The following CUX1 variants were observed in gnomAD, a reference collection of about 807,000 sequenced individuals.
CUX1 encodes the protein protein CASP.
Under a neutral mutation model 158.8 loss-of-function variants are expected in CUX1, and 31 were observed. The observed-to-expected ratio is 0.20, with a 90% CI of 0.15 to 0.26. The LOEUF is 0.26. CUX1 is among the 10% of genes least tolerant of loss of function. The probability of loss-of-function intolerance (pLI) is 1.00; values close to 1 mark genes in which losing one functional copy is unlikely to be tolerated. For synonymous variants in CUX1, 879 were observed against 862.1 expected, an observed-to-expected ratio of 1.02 and a Z score of -0.34; for missense variants, 1,589 against 2,014.6, an observed-to-expected ratio of 0.79 and a Z score of 4.04.
intron 8 of CUX1, among the ~76,000 whole-genome samples, chr7:102,123,171 C>T (rs1278880265): frequency 6.6e-6 from 1 of 151,710 alleles, no homozygotes; most frequent in Non-Finnish European, 1.5e-5. Flanking sequence ...GCAGAGGTTG[C>T]AGTGAGCTGA....
intron 18 of CUX1, among the ~76,000 whole-genome samples, chr7:102,279,251 G>C (rs1263550489): frequency 6.6e-6 from 1 of 152,194 alleles, no homozygotes; most frequent in Non-Finnish European, 1.5e-5. Flanking sequence ...TAAGGCAGGA[G>C]AATCGCTTGA....
chr7:101,862,585 C>G (rs1471852818), intron 1 of CUX1, among the ~76,000 whole-genome samples: 1 of 152,114 alleles, frequency 6.6e-6, no homozygotes, highest in Admixed American at 6.6e-5. Context: ...TCTGACTTGC[C>G]TATAAAAAGG....
intron 18 of CUX1, chr7:102,278,110 G>T: frequency 7.1e-7 from 1 of 1,407,694 alleles, no homozygotes. Flanking sequence ...ACCAGGCAGG[G>T]AGAGAGGCCG....
At chr7:101,850,709 T>C (rs979416687) in intron 1 of CUX1, among the ~76,000 whole-genome samples, 10 of 152,180 alleles carry the variant, frequency 6.6e-5, no homozygotes, top group Non-Finnish European at 1.0e-4. Context: ...AGCAGGCTTA[T>C]ACCACTTGTC....
chr7:102,160,904 C>T (rs542823013), intron 9 of CUX1, among the ~76,000 whole-genome samples: 4 of 152,204 alleles, frequency 2.6e-5, no homozygotes, highest in East Asian at 1.9e-4. Context: ...CTGAAAAGTA[C>T]GCTAATGGTT....
At position 102,221,737 on chromosome 7, in the gene CUX1, TA is replaced by T. The variant is rs60706791; in HGVS notation, c.3131-5606del. 5.6e-3 allele frequency among the ~76,000 whole-genome samples: 753 copies of T among 134,034 alleles called. 8 individuals are homozygous for T. Among genetic ancestry groups the T allele is most frequent in the African/African-American group, 0.018 (618 of 34,538 alleles). The allele number at this position is 134,034 out of a possible 152,430, so 87.9% of individuals were successfully genotyped here. A position where few individuals can be genotyped will look rare whatever the true frequency, so the allele number is the denominator to read the frequency against. On this transcript the variant is annotated intron_variant, in intron 20 of 23. Coordinates refer to ENST00000292535, the MANE Select transcript of CUX1 (RefSeq NM_181552.4). ...CTCTTATGCCAGATTCAGTGCCTTGTAAAAAAAAAAAAAAAAAAAAAAAATT... is the reference window on the plus strand; with the variant it reads ...CTCTTATGCCAGATTCAGTGCCTTGTAAAAAAAAAAAAAAAAAAAAAAATT...
Position 102,197,318 on chromosome 7 carries a change from C to A in CUX1, c.1894+13C>A. 2.5e-6 allele frequency: 4 copies of A among 1,605,512 alleles called. No homozygotes were observed. Among genetic ancestry groups the A allele is most frequent in the Non-Finnish European group, 3.4e-6 (4 of 1,173,298 alleles). ...GGCAGACAAAGAGGTGAGAGACTGGCGTTGGGTGGCGCCAGCGTGCGAGCC... is the reference window on the plus strand; with the variant it reads ...GGCAGACAAAGAGGTGAGAGACTGGAGTTGGGTGGCGCCAGCGTGCGAGCC... On this transcript the variant is annotated intron_variant, in intron 15 of 23. Transcript: ENST00000292535.
chr7:102,080,007 T>G (rs1244247426), intron 4 of CUX1, among the ~76,000 whole-genome samples: 2 of 152,150 alleles, frequency 1.3e-5, no homozygotes, highest in Non-Finnish European at 2.9e-5. Flanking sequence ...TGGGGCTCAA[T>G]CCGCCTCTCC....
chr7:101,910,525 G>A (rs1803300827), intron 1 of CUX1, among the ~76,000 whole-genome samples: 1 of 152,108 alleles, frequency 6.6e-6, no homozygotes, highest in African/African-American at 2.4e-5. Context: ...GCAGGCCAAG[G>A]CGGGCAGATC....
chr7:101,856,280 G>T (rs1045200582), intron 1 of CUX1, among the ~76,000 whole-genome samples: 1 of 150,704 alleles, frequency 6.6e-6, no homozygotes. Context: ...AGCCATCAAC[G>T]CAGGGAGCCG....
intron 2 of CUX1, chr7:101,932,717 A>ATTGCTTTGC (rs1806424928): frequency 2.4e-6 from 1 of 412,294 alleles, no homozygotes; most frequent in Non-Finnish European, 5.0e-6. Flanking sequence ...GGTATTTCAT[A>ATTGCTTTGC]CGTATTTAAA....
chr7:101,934,658 T>C (rs1806710980), intron 2 of CUX1, among the ~76,000 whole-genome samples: 1 of 152,162 alleles, frequency 6.6e-6, no homozygotes, highest in South Asian at 2.1e-4. Flanking sequence ...GTCCACGTCC[T>C]GTCCTCTTCC....
At chr7:101,897,529 A>G (rs1297548274) in intron 1 of CUX1, among the ~76,000 whole-genome samples, 1 of 152,038 alleles carries the variant, frequency 6.6e-6, no homozygotes, top group African/African-American at 2.4e-5. Context: ...ATAATAAAAT[A>G]AAGAAAAGAA....
At chr7:101,964,085 C>T (rs747270006) in intron 2 of CUX1, among the ~76,000 whole-genome samples, 2 of 152,126 alleles carry the variant, frequency 1.3e-5, no homozygotes, top group African/African-American at 4.8e-5. Flanking sequence ...GGCACAGTGG[C>T]TTATGCCTGT....
chr7:102,018,138 T>G (rs10253815), intron 2 of CUX1, among the ~76,000 whole-genome samples: 1 of 151,312 alleles, frequency 6.6e-6, no homozygotes, highest in African/African-American at 2.4e-5. Flanking sequence ...TTTAGAAACT[T>G]TTTGTAGAGC....
intron 1 of CUX1, among the ~76,000 whole-genome samples, chr7:101,896,852 T>C (rs957226996): frequency 2.6e-5 from 4 of 152,250 alleles, no homozygotes; most frequent in Non-Finnish European, 5.9e-5. Context: ...ATAGGGAAAG[T>C]GCACGTTTGT....
At chr7:102,278,068 G>A in intron 18 of CUX1, 6 of 1,604,130 alleles carry the variant, frequency 3.7e-6, no homozygotes, top group Non-Finnish European at 5.1e-6. Context: ...CTGGCCGGGT[G>A]AGGGCCCTCC....
rs1438428616 is a variant in CUX1 at position 102,196,510 on chromosome 7, T to TA, written c.1223-116dup. On this transcript the variant is annotated intron_variant, in intron 14 of 23. Transcript: ENST00000292535. ...AACCAACCCACCTCATTGGCCCTTG[T>TA]AAAAAAAACCTGCACTTTTTTTTGT... is the stretch of plus-strand genomic sequence containing the variant. 235 of 910,822 alleles carry TA rather than the reference T, an allele frequency of 2.6e-4. 1 individual carries two copies. The highest frequency in any genetic ancestry group is 3.2e-4 in the Non-Finnish European group (197 of 624,076). 56.4% of individuals were successfully genotyped at this position (910,822 alleles called of 1,614,324 possible). A position where few individuals can be genotyped will look rare whatever the true frequency, so the allele number is the denominator to read the frequency against.
At chr7:102,019,281 G>A (rs1428988863) in intron 2 of CUX1, among the ~76,000 whole-genome samples, 1 of 151,832 alleles carries the variant, frequency 6.6e-6, no homozygotes, top group Non-Finnish European at 1.5e-5. Flanking sequence ...AGGCTGGAGT[G>A]CAGTGGCACA....
Sources: allele counts gnomAD v4.1 joint callset (sites outside exome capture counted in the v4.1 genomes callset), GRCh38; gene constraint gnomAD v4.1.1; transcripts MANE v1.5; gene names NCBI Gene and HGNC (gene_info 2026-07-23, HGNC 2026-07-21).